Variants in HECW2 observed in about 807,000 individuals in gnomAD.
HECW2 encodes E3 ubiquitin-protein ligase HECW2.
HECW2 carries 61 observed loss-of-function variants against 175.2 expected under a neutral mutation model. The ratio of observed to expected loss-of-function variants is 0.35; its 90% CI spans 0.28 to 0.43. The LOEUF (loss-of-function observed/expected upper bound fraction) is 0.43, where lower values mean the gene tolerates loss of function less well. Ranked by LOEUF, HECW2 falls within the 20% of genes least tolerant of loss-of-function variation. HECW2 has a pLI of 1.00. For missense variants in HECW2, 1,524 were observed against 2,000.5 expected (o/e 0.76, Z 4.54); for synonymous variants, 671 against 731.0 (o/e 0.92, Z 1.32).
intron 1 of HECW2, among the ~76,000 whole-genome samples, chr2:196,570,852 G>C (rs1225498780): frequency 2.0e-5 from 3 of 152,060 alleles, no homozygotes; most frequent in Non-Finnish European, 4.4e-5. Context: ...TTTCCCTTTA[G>C]AAAGTGCATG....
chr2:196,553,526 A>G (rs541790668), intron 1 of HECW2, among the ~76,000 whole-genome samples: 14 of 152,358 alleles, frequency 9.2e-5, no homozygotes, highest in South Asian at 4.1e-4. Context: ...ACAAATGGTA[A>G]TAAGTGTTTG....
intron 10 of HECW2, among the ~76,000 whole-genome samples, chr2:196,308,525 T>TATTC (rs905283530): frequency 2.2e-4 from 33 of 152,228 alleles, no homozygotes; most frequent in African/African-American, 7.2e-4. Flanking sequence ...TCCACACGCA[T>TATTC]ATTCATGCAC....
intron 1 of HECW2, among the ~76,000 whole-genome samples, chr2:196,574,078 C>G (rs993030593): frequency 6.6e-6 from 1 of 151,992 alleles, no homozygotes; most frequent in African/African-American, 2.4e-5. Flanking sequence ...TATACACAAC[C>G]AACAAACTAG....
chr2:196,565,744 C>G (rs138084109), intron 1 of HECW2, among the ~76,000 whole-genome samples: 1,834 of 152,244 alleles, frequency 0.012, 40 homozygotes, highest in African/African-American at 0.042. Context: ...ATAAAGTTAT[C>G]TTTCTTTATT....
intron 2 of HECW2, among the ~76,000 whole-genome samples, chr2:196,359,460 A>G (rs1693507313): frequency 6.6e-6 from 1 of 152,072 alleles, no homozygotes; most frequent in South Asian, 2.1e-4. Flanking sequence ...ACAAACAAAC[A>G]AACAAACAAA....
intron 1 of HECW2, among the ~76,000 whole-genome samples, chr2:196,454,345 T>C (rs1002322492): frequency 1.3e-5 from 2 of 152,250 alleles, no homozygotes; most frequent in Non-Finnish European, 2.9e-5. Context: ...AAATGTAAAG[T>C]GGGCATTCAT....
chr2:196,398,078 G>A (rs1694718826), intron 2 of HECW2, among the ~76,000 whole-genome samples: 1 of 120,470 alleles, frequency 8.3e-6, no homozygotes, highest in Non-Finnish European at 1.9e-5. Flanking sequence ...AATAGAAGGG[G>A]AAAAAAGTGA....
chr2:196,573,870 CA>C (rs1052835076), intron 1 of HECW2, among the ~76,000 whole-genome samples: 51 of 141,778 alleles, frequency 3.6e-4, no homozygotes, highest in Middle Eastern at 3.5e-3. Context: ...ACAACAACAA[CA>C]AAAAAAAAAC....
chr2:196,385,908 G>T (rs1039783662), intron 2 of HECW2, among the ~76,000 whole-genome samples: 1 of 152,082 alleles, frequency 6.6e-6, no homozygotes, highest in Non-Finnish European at 1.5e-5. Context: ...AATGTAAAAT[G>T]CCTCATTTAA....
At chr2:196,348,965 A>C (rs781522368) in intron 2 of HECW2, among the ~76,000 whole-genome samples, 7 of 152,076 alleles carry the variant, frequency 4.6e-5, no homozygotes, top group Non-Finnish European at 8.8e-5. Flanking sequence ...ATTAGGCCTG[A>C]TCTCCCTTGA....
At chr2:196,532,334 T>C (rs191113686) in intron 1 of HECW2, among the ~76,000 whole-genome samples, 1 of 152,180 alleles carries the variant, frequency 6.6e-6, no homozygotes, top group East Asian at 1.9e-4. Flanking sequence ...TGCAGGGACA[T>C]GGATGAAGCT....
At position 196,198,763 on chromosome 2, in the gene HECW2, T is replaced by C. The variant is rs879453085; in HGVS notation, c.*2514A>G. On this transcript the variant is annotated 3_prime_UTR_variant, in exon 29 of 29. Coordinates refer to ENST00000644978, the MANE Select transcript of HECW2 (RefSeq NM_001348768.2). ...GTACATGAAAGTCTAATTTATTCTG[T>C]GGAAATGTTATTTAATATTTTATAT... 1 of 152,338 alleles carries C rather than the reference T, an allele frequency of 6.6e-6. No individual in the cohort carries two copies. Among genetic ancestry groups the C allele is most frequent in the Middle Eastern group, 3.4e-3 (1 of 294 alleles). 9.4% of individuals were successfully genotyped at this position (152,338 alleles called of 1,614,324 possible). A position where few individuals can be genotyped will look rare whatever the true frequency, so the allele number is the denominator to read the frequency against.
chr2:196,209,038 G>A (rs1687169934), intron 28 of HECW2, among the ~76,000 whole-genome samples: 1 of 152,210 alleles, frequency 6.6e-6, no homozygotes, highest in Admixed American at 6.5e-5. Flanking sequence ...GGACTAGGCT[G>A]GTGGAAAGAA....
At chr2:196,289,052 G>C (rs536233475) in intron 14 of HECW2, 11 of 152,260 alleles carry the variant, frequency 7.2e-5, no homozygotes, top group Non-Finnish European at 1.6e-4. Flanking sequence ...CAGGGGCAAT[G>C]CTACATACTC....
At chr2:196,328,067 T>A (rs368001875) in intron 5 of HECW2, among the ~76,000 whole-genome samples, 28 of 117,264 alleles carry the variant, frequency 2.4e-4, no homozygotes, top group African/African-American at 5.4e-4. Context: ...CATAAAAAAA[T>A]TTTTTTTACC....
At chr2:196,253,404 CCTAT>C (rs1281262337) in intron 19 of HECW2, among the ~76,000 whole-genome samples, 1 of 152,202 alleles carries the variant, frequency 6.6e-6, no homozygotes, top group Admixed American at 6.5e-5. Flanking sequence ...TTCATTCAGG[CCTAT>C]CTCTTTCAAA....
chr2:196,349,520 C>CGTGT (rs59562899), intron 2 of HECW2, among the ~76,000 whole-genome samples: 32,929 of 150,776 alleles, frequency 0.22, 4,568 homozygotes, highest in African/African-American at 0.4. Context: ...AAAAGTGAAA[C>CGTGT]GTGTGTGTGT....
chr2:196,347,715 C>T (rs1693009583), intron 2 of HECW2, among the ~76,000 whole-genome samples: 1 of 152,216 alleles, frequency 6.6e-6, no homozygotes, highest in Non-Finnish European at 1.5e-5. Flanking sequence ...ATGCCATGGC[C>T]AGTGACCATC....
chr2:196,506,649 G>T (rs1177243233), intron 1 of HECW2, among the ~76,000 whole-genome samples: 1 of 151,586 alleles, frequency 6.6e-6, no homozygotes, highest in Non-Finnish European at 1.5e-5. Flanking sequence ...GTAGTACACA[G>T]AAATATTATT....
Sources: gnomAD v4.1 joint callset for allele counts (sites outside exome capture counted in the v4.1 genomes callset) on GRCh38, gnomAD v4.1.1 for gene constraint, MANE v1.5 for transcripts, NCBI Gene and HGNC (gene_info 2026-07-23, HGNC 2026-07-21) for gene names.